The following GPHN variants were observed in gnomAD, a reference collection of about 807,000 sequenced individuals.
The protein encoded by GPHN is gephyrin.
Under a neutral mutation model 95.5 loss-of-function variants are expected in GPHN, and 17 were observed. The observed-to-expected ratio is 0.18, with a 90% CI of 0.12 to 0.27. GPHN has a LOEUF of 0.27. Ranked by LOEUF, GPHN falls within the 10% of genes least tolerant of loss-of-function variation. The pLI is 1.00. For missense variants in GPHN, 660 were observed against 978.1 expected (o/e 0.67, Z 4.34); for synonymous variants, 320 against 322.5 (o/e 0.99, Z 0.08).
chr14:66,629,740 A>G (rs945689598), intron 1 of GPHN, among the ~76,000 whole-genome samples: 1 of 152,126 alleles, frequency 6.6e-6, no homozygotes, highest in Admixed American at 6.5e-5. Flanking sequence ...CTATGACATC[A>G]CTATTTGATA....
chr14:67,382,957 A>G, the GPHN span, among the ~76,000 whole-genome samples: 758 of 152,072 alleles, frequency 5.0e-3, 7 homozygotes, highest in African/African-American at 0.017. Context: ...AAGGACTAGT[A>G]AGCTAGTAAG....
the GPHN span, among the ~76,000 whole-genome samples, chr14:67,409,853 C>G: frequency 1.3e-5 from 2 of 152,174 alleles, no homozygotes; most frequent in African/African-American, 4.8e-5. Context: ...ATAGGGAATG[C>G]TATTGCCATC....
At chr14:67,169,434 C>T (rs1320184254) in intron 21 of GPHN, among the ~76,000 whole-genome samples, 1 of 152,160 alleles carries the variant, frequency 6.6e-6, no homozygotes, top group Non-Finnish European at 1.5e-5. Context: ...TTTTCTGTGA[C>T]TTCAACGATA....
chr14:66,761,794 G>A (rs974780804), intron 2 of GPHN, among the ~76,000 whole-genome samples: 1 of 151,874 alleles, frequency 6.6e-6, no homozygotes, highest in African/African-American at 2.4e-5. Flanking sequence ...CCAGTAGCTG[G>A]GACTACAGGC....
chr14:66,783,262 T>G (rs1313461310), intron 3 of GPHN, among the ~76,000 whole-genome samples: 1 of 152,180 alleles, frequency 6.6e-6, no homozygotes, highest in African/African-American at 2.4e-5. Context: ...GGCATAGTTC[T>G]GAATCCCTCA....
chr14:67,575,795 C>T, the GPHN span: 3 of 1,584,934 alleles, frequency 1.9e-6, no homozygotes, highest in Non-Finnish European at 2.6e-6. Flanking sequence ...CACTGGCTCT[C>T]CCATTCATGG....
intron 10 of GPHN, among the ~76,000 whole-genome samples, chr14:67,025,571 T>G (rs1024251372): frequency 6.6e-6 from 1 of 152,188 alleles, no homozygotes; most frequent in Non-Finnish European, 1.5e-5. Flanking sequence ...GAAACAAAAT[T>G]GCAAACAACT....
chr14:67,643,461 G>A, the GPHN span, among the ~76,000 whole-genome samples: 2 of 152,174 alleles, frequency 1.3e-5, no homozygotes, highest in Non-Finnish European at 2.9e-5. Flanking sequence ...AGTTAATTCT[G>A]CTAACAATGC....
intron 2 of GPHN, among the ~76,000 whole-genome samples, chr14:66,728,991 T>C (rs914264792): frequency 3.3e-5 from 5 of 152,152 alleles, no homozygotes; most frequent in Admixed American, 2.0e-4. Context: ...AATTGAATAA[T>C]GGGGTTGAGT....
the GPHN span, chr14:67,562,516 T>G: frequency 1.9e-6 from 3 of 1,611,094 alleles, no homozygotes. Context: ...GGATGCTCCC[T>G]GGGACAAAGA....
At chr14:67,221,758 A>T in the GPHN span, 1 of 1,612,416 alleles carries the variant, frequency 6.2e-7, no homozygotes, top group Non-Finnish European at 8.5e-7. Context: ...AATTTTTGAG[A>T]TGTGCTATTT....
chr14:66,683,613 A>G (rs1201130872), intron 2 of GPHN, among the ~76,000 whole-genome samples: 1 of 142,782 alleles, frequency 7.0e-6, no homozygotes, highest in South Asian at 2.3e-4. Context: ...AGATGGTCCT[A>G]CAAGGAGTTG....
the GPHN span, among the ~76,000 whole-genome samples, chr14:67,556,180 T>C: frequency 6.6e-6 from 1 of 152,214 alleles, no homozygotes; most frequent in Non-Finnish European, 1.5e-5. Context: ...CCATTGAGGG[T>C]TAGCCAGTGA....
chr14:67,287,344 T>G, the GPHN span, among the ~76,000 whole-genome samples: 1 of 152,102 alleles, frequency 6.6e-6, no homozygotes, highest in Non-Finnish European at 1.5e-5. Context: ...TAAAAGCCAT[T>G]GTTCTGATAT....
chr14:67,298,598 G>T, the GPHN span, among the ~76,000 whole-genome samples: 4 of 151,904 alleles, frequency 2.6e-5, no homozygotes, highest in East Asian at 7.7e-4. Context: ...ATAAAGAAGG[G>T]GTATATACAT....
intron 8 of GPHN, among the ~76,000 whole-genome samples, chr14:66,945,903 GA>G (rs1469510927): frequency 1.3e-5 from 2 of 152,248 alleles, no homozygotes; most frequent in African/African-American, 4.8e-5. Context: ...TGTGCTTAAA[GA>G]ACAAACTTTT....
chr14:67,289,927 C>T, the GPHN span, among the ~76,000 whole-genome samples: 2 of 151,942 alleles, frequency 1.3e-5, no homozygotes, highest in South Asian at 2.1e-4. Flanking sequence ...CCCACCACCA[C>T]GCCCGGCTAA....
chr14:67,010,657 C>T (rs1356360370), intron 9 of GPHN, among the ~76,000 whole-genome samples: 2 of 151,256 alleles, frequency 1.3e-5, no homozygotes, highest in Non-Finnish European at 2.9e-5. Context: ...TAAAATTTTT[C>T]CAAGTAGGAA....
the GPHN span, chr14:67,727,866 G>T: frequency 6.5e-6 from 1 of 153,260 alleles, no homozygotes; most frequent in African/African-American, 2.4e-5. Flanking sequence ...TTAAACCTAG[G>T]GTGCTTCCTT....
Sources: allele counts gnomAD v4.1 joint callset (sites outside exome capture counted in the v4.1 genomes callset), GRCh38; gene constraint gnomAD v4.1.1; transcripts MANE v1.5; gene names NCBI Gene and HGNC (gene_info 2026-07-23, HGNC 2026-07-21).